Variants in ATPAF1 observed in about 807,000 individuals in gnomAD.
The protein encoded by ATPAF1 is homolog of yeast ATP11.
Under a neutral mutation model 43.9 loss-of-function variants are expected in ATPAF1, and 26 were observed. That is an observed-to-expected ratio of 0.59 (90% CI 0.43 to 0.82). The LOEUF (loss-of-function observed/expected upper bound fraction) is 0.82, where lower values mean the gene tolerates loss of function less well. Among genes scored for constraint, ATPAF1 ranks in the 40% least tolerant of loss-of-function variants. The pLI, the probability that ATPAF1 is intolerant of heterozygous loss-of-function variation, is 0.00. For missense variants in ATPAF1, 366 were observed against 435.0 expected (o/e 0.84, Z 1.41); for synonymous variants, 157 against 168.0 (o/e 0.93, Z 0.50).
In ATPAF1 at chr1:46,667,511, G is replaced by A. The variant is rs776235728; in HGVS notation, c.266+546C>T. Among the ~76,000 whole-genome samples, 11 of 152,176 alleles carry A rather than the reference G, an allele frequency of 7.2e-5. 1 individual carries two copies. The highest frequency in any genetic ancestry group is 6.5e-4 in the Admixed American group (10 of 15,272). ...TCAGACAAATCCCAAACAGCTGTGT[G>A]ACCTTTGGCAAGTCTCTTACTCTCG... On this transcript the variant is annotated intron_variant, in intron 1 of 8. Coordinates refer to ENST00000574428, the Ensembl canonical transcript of ATPAF1.
chr1:46,649,676 C>T (rs904477738), intron 6 of ATPAF1, among the ~76,000 whole-genome samples: 1 of 152,134 alleles, frequency 6.6e-6, no homozygotes, highest in East Asian at 1.9e-4. Flanking sequence ...GTAATCCCAG[C>T]ACTTTGGGAG....
rs537109890 is a variant in ATPAF1, at chr1:46,659,900, T to C, written c.376-1163A>G. ...TTTAGTCTTTTTGGTCACGCACCTA[T>C]ACACTGACAACATCCCAGTGTAGCC... On this transcript the variant is annotated intron_variant, in intron 2 of 8. Transcript: ENST00000574428. Among the ~76,000 whole-genome samples, 17 of 152,332 alleles carry C rather than the reference T, an allele frequency of 1.1e-4. No homozygotes were observed. In the South Asian group the frequency reaches 3.1e-3, roughly 28 times the overall value.
In ATPAF1 at chr1:46,668,328, C is replaced by T. The variant is rs764461956; in HGVS notation, c.-6G>A. On this transcript the variant is annotated 5_prime_UTR_variant, in exon 1 of 9. Transcript: ENST00000574428. This position sits in a 1 kb window ranked among gnomAD's most constrained non-coding sequence, Gnocchi z 4.4. ...GCCACCACCACAGCAGCCATGGCCG[C>T]CCCCGCCTCCTCCTCCTCCTCAGGC... The T allele has an allele frequency of 1.3e-5, 17 of 1,359,008 alleles. No individual in the cohort carries two copies. In the African/African-American group the frequency reaches 2.3e-4, roughly 18 times the overall value. The allele number at this position is 1,359,008 out of a possible 1,614,324, so 84.2% of individuals were successfully genotyped here.
chr1:46,653,744 G>C lies in ATPAF1; in HGVS notation c.540+73C>G. On this transcript the variant is annotated intron_variant, in intron 5 of 8. Coordinates refer to ENST00000574428, the Ensembl canonical transcript of ATPAF1. The surrounding 1 kb of genome is among the most constrained non-coding windows in gnomAD (Gnocchi z 4.8). ...GGCAATAAACATAGGAAAAGTAAAG[G>C]CAACTGCCTGCTAAGGTTAGAGAAC... is the stretch of plus-strand genomic sequence containing the variant. 2 of 1,433,606 alleles carry C rather than the reference G, an allele frequency of 1.4e-6. No homozygotes were observed. The highest frequency in any genetic ancestry group is 1.9e-6 in the Non-Finnish European group (2 of 1,038,274). 88.8% of individuals were successfully genotyped at this position (1,433,606 alleles called of 1,614,324 possible).
chr1:46,657,515 T>A (rs899676042), intron 4 of ATPAF1, among the ~76,000 whole-genome samples: 1 of 152,152 alleles, frequency 6.6e-6, no homozygotes, highest in Non-Finnish European at 1.5e-5. Flanking sequence ...TTAAAAAACA[T>A]AAATATAGCA....
At chr1:46,637,067 T>C (rs1675854297) in intron 8 of ATPAF1, among the ~76,000 whole-genome samples, 1 of 152,198 alleles carries the variant, frequency 6.6e-6, no homozygotes, top group African/African-American at 2.4e-5. Context: ...AGGTAATAAA[T>C]GTTTGTTGTT....
intron 3 of ATPAF1, among the ~76,000 whole-genome samples, 155 bp downstream of exon 3, chr1:46,658,532 C>CA (rs34308534): frequency 0.4 from 61,198 of 151,988 alleles, 14,194 homozygotes; most frequent in East Asian, 0.78. Context: ...GTCAAGGACA[C>CA]AAAGTTCATA....
At chr1:46,647,653 A>T (rs960649275) in intron 6 of ATPAF1, among the ~76,000 whole-genome samples, 1 of 152,182 alleles carries the variant, frequency 6.6e-6, no homozygotes, top group African/African-American at 2.4e-5. Flanking sequence ...ATATTCTTTG[A>T]GTTCTCTTGG....
intron 6 of ATPAF1, among the ~76,000 whole-genome samples, chr1:46,649,413 A>G (rs1370666779): frequency 1.3e-5 from 2 of 152,198 alleles, no homozygotes; most frequent in Admixed American, 6.5e-5. Context: ...TGCCAATACC[A>G]TACTGTTTTA....
intron 8 of ATPAF1, among the ~76,000 whole-genome samples, chr1:46,638,232 T>C (rs1166500831): frequency 2.6e-5 from 4 of 152,128 alleles, no homozygotes; most frequent in African/African-American, 9.7e-5. Flanking sequence ...TCTGTGGAGG[T>C]GCCTCAGGTC....
exon 9 of ATPAF1, chr1:46,635,953 C>T: frequency 6.2e-7 from 1 of 1,614,232 alleles, no homozygotes; most frequent in Middle Eastern, 1.6e-4. Context: ...TGGCGATGCA[C>T]TGTGCCTCAG....
intron 8 of ATPAF1, among the ~76,000 whole-genome samples, chr1:46,642,105 CCATATTCTTGGATAGAATTTTGGCTTT>C (rs1675962180): frequency 1.3e-5 from 2 of 152,126 alleles, no homozygotes; most frequent in African/African-American, 4.8e-5. Flanking sequence ...AATGGCAATT[CCATATTCTTGGATAGAATTTTGGCTTT>C]CAGTTGAATG....
Position 46,658,432 on chromosome 1 carries a change from C to A in ATPAF1, c.427-243G>T, listed in dbSNP as rs575844157. Among the ~76,000 whole-genome samples, 6 of 152,292 alleles carry A rather than the reference C, an allele frequency of 3.9e-5. No individual in the cohort carries two copies. The East Asian group carries it at 1.2e-3, about 29-fold the overall frequency. The stretch of plus-strand genomic sequence containing the variant: ...CCATGTACTTCCCAAAGGCTTCACC[C>A]TTACCAATGAGTCCTGCGGCACTTT... On this transcript the variant is annotated intron_variant, in intron 3 of 8. Transcript: ENST00000574428.
chr1:46,635,607 G>C, exon 9 of ATPAF1: 1 of 610,112 alleles, frequency 1.6e-6, no homozygotes, highest in Non-Finnish European at 2.8e-6. Flanking sequence ...CTTTGTTCCT[G>C]AATATCAAGT....
At chr1:46,663,007 C>T (rs543477318) in intron 2 of ATPAF1, among the ~76,000 whole-genome samples, 86 of 152,162 alleles carry the variant, frequency 5.7e-4, no homozygotes, top group African/African-American at 1.9e-3. Context: ...TGTTCGATTC[C>T]CACCCATGAG....
intron 6 of ATPAF1, among the ~76,000 whole-genome samples, chr1:46,647,668 A>G (rs1253216653): frequency 6.6e-6 from 1 of 152,190 alleles, no homozygotes; most frequent in Admixed American, 6.6e-5. Context: ...TCTTGGGAAA[A>G]TATCTAGAAA....
chr1:46,650,517 C>G (rs554932194), intron 6 of ATPAF1, among the ~76,000 whole-genome samples: 1 of 152,268 alleles, frequency 6.6e-6, no homozygotes, highest in South Asian at 2.1e-4. Flanking sequence ...AGTCCCACTA[C>G]TGGATATATA....
At chr1:46,641,022 G>A (rs187776620) in intron 8 of ATPAF1, among the ~76,000 whole-genome samples, 2 of 151,972 alleles carry the variant, frequency 1.3e-5, no homozygotes, top group East Asian at 3.9e-4. Flanking sequence ...ATCACTTCCC[G>A]CTTTCTCCTG....
intron 7 of ATPAF1, 142 bp from the exon 8 acceptor site, chr1:46,643,443 G>T (rs1675985227): frequency 3.2e-6 from 2 of 625,840 alleles, no homozygotes; most frequent in Non-Finnish European, 2.8e-6. Context: ...GGTATGTGGT[G>T]GTAAGGTCAG....
Sources: allele counts gnomAD v4.1 joint callset (sites outside exome capture counted in the v4.1 genomes callset), GRCh38; gene constraint gnomAD v4.1.1; non-coding constraint Gnocchi (gnomAD v3.1); transcripts MANE v1.5; gene names NCBI Gene and HGNC (gene_info 2026-07-23, HGNC 2026-07-21).